MARCHF10: variants seen among roughly 807,000 people sequenced by gnomAD.
MARCHF10 encodes probable E3 ubiquitin-protein ligase MARCHF10.
Under a neutral mutation model 76.2 loss-of-function variants are expected in MARCHF10, and 64 were observed. The ratio of observed to expected loss-of-function variants is 0.84; its 90% CI spans 0.69 to 1.03. The LOEUF is 1.03. MARCHF10 is among the 50% of genes least tolerant of loss of function. The pLI is 0.00. For synonymous variants in MARCHF10, 340 were observed against 357.5 expected (o/e 0.95, Z 0.55); for missense variants, 875 against 958.0 (o/e 0.91, Z 1.14).
intron 3 of MARCHF10, among the ~76,000 whole-genome samples, chr17:62,783,004 CT>C (rs1212624627): frequency 6.6e-6 from 1 of 152,046 alleles, no homozygotes; most frequent in Non-Finnish European, 1.5e-5. Context: ...GATTGTGTCA[CT>C]TTTCTCAGTA....
chr17:62,758,449 C>T (rs919625790), intron 4 of MARCHF10, among the ~76,000 whole-genome samples: 11 of 152,266 alleles, frequency 7.2e-5, no homozygotes, highest in African/African-American at 1.2e-4. Flanking sequence ...TAAATTACAA[C>T]TTGTATTTTG....
chr17:62,705,597 CAA>C lies in MARCHF10; in HGVS notation c.2329-18_2329-17del. On this transcript the variant is annotated splice_polypyrimidine_tract_variant and intron_variant, in intron 9 of 10. Transcript: ENST00000311269. ...TTCTTGACAACTACAAGAAAGAAGA[CAA>C]TGAGAAATGAATTGTTTTTTCCAAT... 1 of 1,613,304 alleles carries C rather than the reference CAA, an allele frequency of 6.2e-7. No homozygotes were observed. Among genetic ancestry groups the C allele is most frequent in the South Asian group, 1.1e-5 (1 of 91,010 alleles).
rs904173499 is a variant in MARCHF10, at chr17:62,725,033, C to T, written c.2009G>A (p.Ser670Asn). The T allele has an allele frequency of 6.2e-7, 1 of 1,609,810 alleles. No individual in the cohort carries two copies. The highest frequency in any genetic ancestry group is 1.3e-5 in the African/African-American group (1 of 74,892). Residue 670 changes from serine to asparagine, a missense_variant, in exon 7 of 11, where the codon AGC becomes AAC. Transcript: ENST00000311269. ...GCCGCAAGGCTCCAGGAGGGGGTTG[C>T]TTGGGGAACCCCCGGCTATCTGACA... Reference protein sequence around the residue: ...RICQIAGGSPSNPLLEPCGCV... With the variant: ...RICQIAGGSPNNPLLEPCGCV...
intron 5 of MARCHF10, among the ~76,000 whole-genome samples, chr17:62,741,268 G>A (rs1463849962): frequency 6.6e-6 from 1 of 152,178 alleles, no homozygotes; most frequent in Non-Finnish European, 1.5e-5. Flanking sequence ...GACTGTCAGC[G>A]ATTACAATGT....
At chr17:62,791,878 A>G (rs2092849430) in intron 2 of MARCHF10, among the ~76,000 whole-genome samples, 1 of 152,136 alleles carries the variant, frequency 6.6e-6, no homozygotes. Context: ...GGGAGGACAG[A>G]ATCCATGGGT....
At chr17:62,789,514 AT>A (rs1221441950) in intron 2 of MARCHF10, among the ~76,000 whole-genome samples, 1 of 151,994 alleles carries the variant, frequency 6.6e-6, no homozygotes, top group African/African-American at 2.4e-5. Flanking sequence ...AATTATACAT[AT>A]TTTTTTCCTA....
chr17:62,770,531 AT>A (rs1217357373), intron 3 of MARCHF10, among the ~76,000 whole-genome samples: 2 of 144,156 alleles, frequency 1.4e-5, no homozygotes, highest in African/African-American at 5.0e-5. Context: ...GCCAGCATCT[AT>A]TGTATTTTGA....
intron 5 of MARCHF10, among the ~76,000 whole-genome samples, chr17:62,739,017 G>C (rs1568140089): frequency 6.6e-6 from 1 of 152,138 alleles, no homozygotes; most frequent in Admixed American, 6.6e-5. Flanking sequence ...TAGAAAAGGG[G>C]GCTGGGGGCT....
intron 9 of MARCHF10, among the ~76,000 whole-genome samples, chr17:62,710,997 C>T (rs1254488860): frequency 1.3e-5 from 2 of 152,130 alleles, no homozygotes; most frequent in Non-Finnish European, 2.9e-5. Context: ...CCATTGATGA[C>T]CATTTAATTA....
At chr17:62,801,150 T>C (rs943063396) in intron 2 of MARCHF10, among the ~76,000 whole-genome samples, 1 of 151,820 alleles carries the variant, frequency 6.6e-6, no homozygotes, top group Non-Finnish European at 1.5e-5. Flanking sequence ...ATCCTCGTTT[T>C]TTTGTTTTTG....
intron 8 of MARCHF10, among the ~76,000 whole-genome samples, chr17:62,719,518 C>T (rs1291327634): frequency 6.6e-6 from 1 of 152,090 alleles, no homozygotes; most frequent in Non-Finnish European, 1.5e-5. Context: ...CTTTACTCCC[C>T]TTTAGGGAAG....
intron 2 of MARCHF10, among the ~76,000 whole-genome samples, chr17:62,800,237 C>T (rs543523961): frequency 4.7e-4 from 72 of 152,224 alleles, no homozygotes; most frequent in African/African-American, 1.7e-3. Flanking sequence ...GAAAATAAAA[C>T]GGCAACGGCT....
chr17:62,788,415 A>C, intron 3 of MARCHF10, 65 bp downstream of exon 3: 1 of 1,599,056 alleles, frequency 6.3e-7, no homozygotes, highest in East Asian at 2.2e-5. Flanking sequence ...TCACACACAC[A>C]CACACACCAC....
At chr17:62,762,135 G>A (rs1599263158) in intron 3 of MARCHF10, among the ~76,000 whole-genome samples, 2 of 152,296 alleles carry the variant, frequency 1.3e-5, no homozygotes, top group South Asian at 4.1e-4. Flanking sequence ...GCTTGCCCCA[G>A]GCTGTGGTGA....
At chr17:62,800,003 G>A (rs752857905) in intron 2 of MARCHF10, among the ~76,000 whole-genome samples, 5 of 152,036 alleles carry the variant, frequency 3.3e-5, no homozygotes, top group Non-Finnish European at 7.4e-5. Flanking sequence ...TGCTTCTAAG[G>A]GATCACCGCC....
intron 6 of MARCHF10, among the ~76,000 whole-genome samples, chr17:62,727,797 C>A (rs2147745292): frequency 1.3e-5 from 2 of 152,320 alleles, no homozygotes; most frequent in South Asian, 4.1e-4. Flanking sequence ...CAACCCAAGG[C>A]ATTCTCACAG....
chr17:62,721,725 T>C (rs2147693620), intron 8 of MARCHF10, among the ~76,000 whole-genome samples: 1 of 152,304 alleles, frequency 6.6e-6, no homozygotes, highest in African/African-American at 2.4e-5. Flanking sequence ...GTGATAAAGA[T>C]CAGCCAGTAG....
At chr17:62,753,110 C>T (rs901549640) in intron 4 of MARCHF10, among the ~76,000 whole-genome samples, 2 of 152,052 alleles carry the variant, frequency 1.3e-5, no homozygotes, top group African/African-American at 4.8e-5. Flanking sequence ...CTCTCTCTCT[C>T]TCTTTTTGAG....
At chr17:62,710,550 CTTTTTTTTTTTTT>C (rs552647502) in intron 9 of MARCHF10, among the ~76,000 whole-genome samples, 2 of 88,620 alleles carry the variant, frequency 2.3e-5, no homozygotes, top group Non-Finnish European at 4.1e-5. Context: ...TTGAACCCAG[CTTTTTTTTTTTTT>C]TTTTTTTTTT....
Sources: gnomAD v4.1 joint callset for allele counts (sites outside exome capture counted in the v4.1 genomes callset) on GRCh38, gnomAD v4.1.1 for gene constraint, MANE v1.5 for transcripts, NCBI Gene and HGNC (gene_info 2026-07-23, HGNC 2026-07-21) for gene names.